Variants in NRXN1 observed in about 807,000 individuals in gnomAD.
The protein encoded by NRXN1 is neurexin-1.
In NRXN1, 39 loss-of-function variants were observed where a neutral mutation model predicts 150.9. The ratio of observed to expected loss-of-function variants is 0.26; its 90% CI spans 0.20 to 0.34. NRXN1 has a LOEUF of 0.34. Ranked by LOEUF, NRXN1 falls within the 10% of genes least tolerant of loss-of-function variation. NRXN1 has a pLI of 1.00. For synonymous variants in NRXN1, 924 were observed against 757.0 expected, an observed-to-expected ratio of 1.22 and a Z score of -3.62; for missense variants, 1,815 against 1,949.9, an observed-to-expected ratio of 0.93 and a Z score of 1.30.
chr2:50,214,644 A>G (rs1046846043), intron 18 of NRXN1, among the ~76,000 whole-genome samples: 2 of 151,996 alleles, frequency 1.3e-5, no homozygotes, highest in Non-Finnish European at 2.9e-5. Flanking sequence ...TTAAATAGAG[A>G]GCTTGACTTC....
chr2:50,847,711 C>T (rs574324078), intron 5 of NRXN1, among the ~76,000 whole-genome samples: 1 of 152,098 alleles, frequency 6.6e-6, no homozygotes, highest in East Asian at 1.9e-4. Flanking sequence ...GAGAGAACAT[C>T]GAGAGGATGT....
intron 17 of NRXN1, among the ~76,000 whole-genome samples, chr2:50,410,823 G>A (rs2083096843): frequency 6.6e-6 from 1 of 152,190 alleles, no homozygotes. Flanking sequence ...AGACCAGGGA[G>A]CACAGTACTT....
chr2:50,376,240 G>C (rs750017074), intron 17 of NRXN1, among the ~76,000 whole-genome samples: 33 of 151,928 alleles, frequency 2.2e-4, no homozygotes, highest in Non-Finnish European at 3.7e-4. Context: ...TTCCTACCAT[G>C]TAAGTCTGAA....
intron 8 of NRXN1, among the ~76,000 whole-genome samples, chr2:50,570,296 G>T (rs1261692480): frequency 6.6e-6 from 1 of 152,048 alleles, no homozygotes; most frequent in Non-Finnish European, 1.5e-5. Flanking sequence ...GAAATCCAGT[G>T]GAAGTAAAGT....
At chr2:51,009,621 G>C (rs1332810033) in intron 2 of NRXN1, among the ~76,000 whole-genome samples, 2 of 151,970 alleles carry the variant, frequency 1.3e-5, no homozygotes, top group Non-Finnish European at 2.9e-5. Context: ...GAGCAGGAAA[G>C]TTGTGAGTCA....
intron 8 of NRXN1, among the ~76,000 whole-genome samples, chr2:50,608,349 T>A (rs926231258): frequency 2.0e-5 from 3 of 152,126 alleles, no homozygotes; most frequent in Non-Finnish European, 2.9e-5. Context: ...CTTACTAAAA[T>A]GTAGACTCTT....
intron 8 of NRXN1, among the ~76,000 whole-genome samples, chr2:50,590,334 G>C (rs1444713979): frequency 6.6e-6 from 1 of 152,050 alleles, no homozygotes; most frequent in Non-Finnish European, 1.5e-5. Context: ...GTTTGATGTA[G>C]CTCTATACAA....
Position 50,677,066 on chromosome 2 carries a change from G to C in NRXN1, c.833-53451C>G, listed in dbSNP as rs1689650932. Among the ~76,000 whole-genome samples the C allele has an allele frequency of 2.0e-5, 3 of 152,146 alleles. No individual in the cohort carries two copies. In the South Asian group the frequency reaches 6.2e-4, roughly 31 times the overall value. On this transcript the variant is annotated intron_variant, in intron 5 of 22. Coordinates refer to ENST00000401669, the MANE Select transcript of NRXN1 (RefSeq NM_001330078.2). ...CTACTCCTTCTTTGCTGCCAAGTAA[G>C]TATGAACTATATAAGCCACAAAGGG...
At chr2:50,809,067 A>G (rs1667882129) in intron 5 of NRXN1, among the ~76,000 whole-genome samples, 1 of 152,154 alleles carries the variant, frequency 6.6e-6, no homozygotes, top group South Asian at 2.1e-4. Context: ...TGGGATTTAT[A>G]GAAAGTCAGT....
chr2:50,840,548 C>T (rs1165178981), intron 5 of NRXN1, among the ~76,000 whole-genome samples: 1 of 152,084 alleles, frequency 6.6e-6, no homozygotes, highest in Non-Finnish European at 1.5e-5. Flanking sequence ...GCTTGCCTGA[C>T]AGACCAATTT....
chr2:51,016,490 A>G (rs1462850095), intron 2 of NRXN1, among the ~76,000 whole-genome samples: 1 of 152,186 alleles, frequency 6.6e-6, no homozygotes, highest in African/African-American at 2.4e-5. Context: ...GTAGCCAACA[A>G]ATATGTGAAA....
chr2:50,315,551 C>T (rs536479804), intron 17 of NRXN1, among the ~76,000 whole-genome samples: 2 of 152,238 alleles, frequency 1.3e-5, no homozygotes, highest in Admixed American at 6.5e-5. Context: ...AGGCACTTCT[C>T]TCCCAGCCCA....
intron 8 of NRXN1, among the ~76,000 whole-genome samples, chr2:50,601,918 G>A (rs1227330883): frequency 6.6e-6 from 1 of 152,102 alleles, no homozygotes; most frequent in Non-Finnish European, 1.5e-5. Context: ...TATTTGATCT[G>A]CAATGTTCAC....
intron 18 of NRXN1, among the ~76,000 whole-genome samples, chr2:50,120,826 C>T (rs1037182451): frequency 6.6e-6 from 1 of 152,134 alleles, no homozygotes; most frequent in Non-Finnish European, 1.5e-5. Flanking sequence ...ACTGATGCCA[C>T]AAAAGTTATA....
chr2:50,348,067 T>A (rs929263020), intron 17 of NRXN1, among the ~76,000 whole-genome samples: 1 of 152,178 alleles, frequency 6.6e-6, no homozygotes, highest in Non-Finnish European at 1.5e-5. Flanking sequence ...GTAACCAGTG[T>A]CTTTAGAGAT....
At chr2:50,639,911 G>A (rs1683814170) in intron 5 of NRXN1, among the ~76,000 whole-genome samples, 1 of 152,064 alleles carries the variant, frequency 6.6e-6, no homozygotes. Flanking sequence ...CTTAAAAACA[G>A]ATAATGGATT....
chr2:49,951,953 G>GTT (rs1674051345), intron 21 of NRXN1, among the ~76,000 whole-genome samples: 1 of 151,944 alleles, frequency 6.6e-6, no homozygotes, highest in African/African-American at 2.4e-5. Flanking sequence ...TTGTTGCCAT[G>GTT]TTAGGGAATG....
chr2:50,335,750 C>A (rs368778099), intron 17 of NRXN1, among the ~76,000 whole-genome samples: 1 of 152,152 alleles, frequency 6.6e-6, no homozygotes, highest in Admixed American at 6.5e-5. Flanking sequence ...TTGGAAGAAT[C>A]AGACACCAGG....
intron 5 of NRXN1, among the ~76,000 whole-genome samples, chr2:50,751,093 T>C (rs1025782138): frequency 6.6e-5 from 10 of 151,970 alleles, no homozygotes; most frequent in Non-Finnish European, 1.0e-4. Context: ...GAAGATTCTC[T>C]CCAGGACATG....
Sources: gnomAD v4.1 joint callset for allele counts (sites outside exome capture counted in the v4.1 genomes callset) on GRCh38, gnomAD v4.1.1 for gene constraint, MANE v1.5 for transcripts, NCBI Gene and HGNC (gene_info 2026-07-23, HGNC 2026-07-21) for gene names.